Variants in TAPT1 observed in about 807,000 individuals in gnomAD.
TAPT1 encodes transmembrane anterior posterior transformation 1, also known as transmembrane anterior posterior transformation protein 1 homolog.
A neutral mutation model predicts 65.6 loss-of-function variants in TAPT1; 28 were observed. That is an observed-to-expected ratio of 0.43 (90% CI 0.32 to 0.59). The LOEUF is 0.59. TAPT1 is among the 20% of genes least tolerant of loss of function. The pLI is 0.09. For missense variants in TAPT1, 563 were observed against 679.9 expected (o/e 0.83, Z 1.91); for synonymous variants, 278 against 245.2 (o/e 1.13, Z -1.25).
intron 3 of TAPT1, among the ~76,000 whole-genome samples, chr4:16,199,837 A>G (rs1749928395): frequency 1.3e-5 from 2 of 151,904 alleles, no homozygotes; most frequent in Admixed American, 1.3e-4. Context: ...CTACCCTCCC[A>G]CCTTGGCCTC....
chr4:16,178,768 C>A (rs7668729), intron 8 of TAPT1, among the ~76,000 whole-genome samples: 24,500 of 152,088 alleles, frequency 0.16, 2,831 homozygotes, highest in African/African-American at 0.32. Flanking sequence ...CAGAGACGCA[C>A]CTAAGTAGCA....
chr4:16,217,532 T>G (rs1319908678), intron 1 of TAPT1, among the ~76,000 whole-genome samples: 3 of 152,224 alleles, frequency 2.0e-5, no homozygotes, highest in African/African-American at 7.2e-5. Flanking sequence ...AACTTTCATG[T>G]GGGTGATTTG....
chr4:16,219,485 T>TA (rs1158571442), intron 1 of TAPT1, among the ~76,000 whole-genome samples: 10 of 152,196 alleles, frequency 6.6e-5, no homozygotes, highest in African/African-American at 2.4e-4. Flanking sequence ...AATGTAAGGG[T>TA]AAACTTTGCG....
At chr4:16,186,710 T>C in intron 6 of TAPT1, 71 bp downstream of exon 6, 2 of 1,404,168 alleles carry the variant, frequency 1.4e-6, no homozygotes, top group South Asian at 1.2e-5. Context: ...CAAAGAATTT[T>C]ATCCCACCCA....
chr4:16,169,927 A>G (rs750422109), intron 12 of TAPT1, among the ~76,000 whole-genome samples: 36 of 152,156 alleles, frequency 2.4e-4, no homozygotes, highest in Non-Finnish European at 3.7e-4. Flanking sequence ...GAGGGATTCA[A>G]GTTCGAACCC....
At chr4:16,171,476 A>C (rs546411398) in intron 11 of TAPT1, among the ~76,000 whole-genome samples, 1 of 152,330 alleles carries the variant, frequency 6.6e-6, no homozygotes, top group South Asian at 2.1e-4. Flanking sequence ...TTAAAAGAGA[A>C]ATAGAGAATT....
intron 2 of TAPT1, among the ~76,000 whole-genome samples, chr4:16,209,809 C>T (rs922733149): frequency 6.6e-6 from 1 of 152,146 alleles, no homozygotes; most frequent in African/African-American, 2.4e-5. Context: ...ATGTAAAATG[C>T]CTAGGACAGT....
At position 16,191,895 on chromosome 4, in the gene TAPT1, C is replaced by A. The variant is rs536969658; in HGVS notation, c.450-372G>T. Among the ~76,000 whole-genome samples the A allele has an allele frequency of 8.5e-4, 130 of 152,344 alleles. 2 individuals carry two copies. The highest frequency in any genetic ancestry group is 3.0e-3 in the African/African-American group (126 of 41,582). On this transcript the variant is annotated intron_variant, in intron 3 of 13. Transcript: ENST00000405303. ...GCCTGCTGGATCAGCCCTTTTCACACAATGCTACATTCTATGCATACTGCT... is the reference window on the plus strand; with the variant it reads ...GCCTGCTGGATCAGCCCTTTTCACAAAATGCTACATTCTATGCATACTGCT...
At chr4:16,194,435 C>T (rs1035479810) in intron 3 of TAPT1, among the ~76,000 whole-genome samples, 1 of 152,162 alleles carries the variant, frequency 6.6e-6, no homozygotes, top group African/African-American at 2.4e-5. Flanking sequence ...ACTTGGCAAC[C>T]TGGCTCCAGA....
At chr4:16,168,191 G>A (rs1021652529) in intron 12 of TAPT1, among the ~76,000 whole-genome samples, 6 of 151,786 alleles carry the variant, frequency 4.0e-5, no homozygotes, top group Non-Finnish European at 8.8e-5. Context: ...ATCGCTCACT[G>A]CAGCCTTGAA....
chr4:16,179,822 G>T (rs1748603334), intron 7 of TAPT1, among the ~76,000 whole-genome samples, 165 bp from the exon 8 acceptor site: 1 of 141,118 alleles, frequency 7.1e-6, no homozygotes, highest in Non-Finnish European at 1.5e-5. Context: ...GTGTGTGTGT[G>T]TGTGTATATA....
At chr4:16,221,117 T>C (rs1277255809) in intron 1 of TAPT1, among the ~76,000 whole-genome samples, 1 of 123,950 alleles carries the variant, frequency 8.1e-6, no homozygotes, top group Non-Finnish European at 1.7e-5. Flanking sequence ...TACATATATA[T>C]ATACTTTTTT....
intron 7 of TAPT1, among the ~76,000 whole-genome samples, chr4:16,181,948 G>A (rs983225322): frequency 2.6e-5 from 4 of 152,140 alleles, no homozygotes; most frequent in Non-Finnish European, 5.9e-5. Flanking sequence ...AAATGAATGC[G>A]ATTTTATAAG....
chr4:16,190,724 G>A (rs1389132260), intron 4 of TAPT1: 2 of 154,726 alleles, frequency 1.3e-5, no homozygotes, highest in Admixed American at 6.5e-5. Context: ...ATAAAGCGAA[G>A]CATTTTTTTG....
Position 16,160,524 on chromosome 4 carries a change from T to C in TAPT1, c.*2784A>G, listed in dbSNP as rs1747200879. The C allele has an allele frequency of 6.6e-6, 1 of 152,200 alleles. No individual in the cohort carries two copies. The highest frequency in any genetic ancestry group is 2.1e-4 in the South Asian group (1 of 4,826). 9.4% of individuals were successfully genotyped at this position (152,200 alleles called of 1,614,324 possible). On this transcript the variant is annotated 3_prime_UTR_variant, in exon 14 of 14. Transcript: ENST00000405303. ...TACACAAACGTTTTAAAGAACTATA[T>C]TTTAGAGCTGAAATAAGCCTGAGAG...
chr4:16,190,351 T>C (rs1749292954), intron 4 of TAPT1: 2 of 152,160 alleles, frequency 1.3e-5, no homozygotes, highest in African/African-American at 4.8e-5. Context: ...CTTTTTTTTT[T>C]TCCCCGAGAT....
At chr4:16,177,410 C>G (rs975325011) in intron 8 of TAPT1, among the ~76,000 whole-genome samples, 1 of 152,078 alleles carries the variant, frequency 6.6e-6, no homozygotes, top group African/African-American at 2.4e-5. Context: ...TGACAAGGAC[C>G]CACAGCAACT....
intron 7 of TAPT1, among the ~76,000 whole-genome samples, chr4:16,181,661 G>A (rs1055172395): frequency 2.0e-5 from 3 of 152,080 alleles, no homozygotes; most frequent in South Asian, 2.1e-4. Flanking sequence ...TCCACCTCCC[G>A]GGTTCAAGCA....
At chr4:16,203,118 C>T (rs1002551226) in intron 2 of TAPT1, among the ~76,000 whole-genome samples, 1 of 152,086 alleles carries the variant, frequency 6.6e-6, no homozygotes, top group African/African-American at 2.4e-5. Flanking sequence ...CTTGCCATAC[C>T]CTTTCTTTTT....
Sources: gnomAD v4.1 joint callset for allele counts (sites outside exome capture counted in the v4.1 genomes callset) on GRCh38, gnomAD v4.1.1 for gene constraint, MANE v1.5 for transcripts, NCBI Gene and HGNC (gene_info 2026-07-23, HGNC 2026-07-21) for gene names.